Variants in ITSN1 observed in about 807,000 individuals in gnomAD.
The protein encoded by ITSN1 is intersectin 1.
ITSN1 carries 58 observed loss-of-function variants against 239.8 expected under a neutral mutation model. The ratio of observed to expected loss-of-function variants is 0.24; its 90% CI spans 0.20 to 0.30. The LOEUF (loss-of-function observed/expected upper bound fraction) is 0.30, where lower values mean the gene tolerates loss of function less well. Among genes scored for constraint, ITSN1 ranks in the 10% least tolerant of loss-of-function variants. The pLI is 1.00. For synonymous variants in ITSN1, 780 were observed against 770.8 expected (o/e 1.01, Z -0.20); for missense variants, 1,558 against 2,103.3 (o/e 0.74, Z 5.07).
In ITSN1 at chr21:33,668,946, T is replaced by C. The variant is rs147669803; in HGVS notation, c.-33+26233T>C. Among the ~76,000 whole-genome samples, 255 of 152,328 alleles carry C rather than the reference T, an allele frequency of 1.7e-3. 1 individual carries two copies. The highest frequency in any genetic ancestry group is 6.1e-3 in the African/African-American group (252 of 41,572). On this transcript the variant is annotated intron_variant, in intron 1 of 39. Transcript: ENST00000381318. ...GAAAATATGTATGAGATTGTAGAGA[T>C]AGATGCCTAGGCGGCTGAAGGGGAT...
intron 22 of ITSN1, among the ~76,000 whole-genome samples, chr21:33,814,967 A>G (rs186405741): frequency 6.6e-6 from 1 of 152,334 alleles, no homozygotes; most frequent in Non-Finnish European, 1.5e-5. Flanking sequence ...AAGGAAAGGA[A>G]AGAGGGCTGG....
intron 14 of ITSN1, among the ~76,000 whole-genome samples, chr21:33,781,156 C>A (rs1269053655): frequency 6.6e-6 from 1 of 152,156 alleles, no homozygotes; most frequent in Non-Finnish European, 1.5e-5. Flanking sequence ...AAGATCATTG[C>A]TTCAATTTAT....
rs145246005 is a variant in ITSN1, at chr21:33,879,669, A to G, written c.4342-2574A>G. Among the ~76,000 whole-genome samples, 20 of 152,278 alleles carry G rather than the reference A, an allele frequency of 1.3e-4. No homozygotes were observed. The East Asian group carries it at 2.5e-3, about 19-fold the overall frequency. ...GGCCGGGATCTGAAGATGTTAAAGT[A>G]AAATCAGTTGTCATCCTTCTTTTTT... On this transcript the variant is annotated intron_variant, in intron 34 of 39. Coordinates refer to ENST00000381318, the MANE Select transcript of ITSN1 (RefSeq NM_003024.3).
At chr21:33,724,875 G>A (rs1181433661) in intron 4 of ITSN1, among the ~76,000 whole-genome samples, 5 of 151,658 alleles carry the variant, frequency 3.3e-5, no homozygotes, top group South Asian at 2.1e-4. Context: ...TGCTGGTCTC[G>A]AACTCCTGGA....
Position 33,895,880 on chromosome 21 carries a change from C to T in ITSN1, c.*7580C>T, listed in dbSNP as rs1046021174. 6.6e-6 allele frequency: 1 copy of T among 152,226 alleles called. No individual in the cohort carries two copies. The highest frequency in any genetic ancestry group is 1.9e-4 in the East Asian group (1 of 5,174). The allele number at this position is 152,226 out of a possible 1,614,324, so 9.4% of individuals were successfully genotyped here. On this transcript the variant is annotated 3_prime_UTR_variant, in exon 40 of 40. Transcript: ENST00000381318. The stretch of plus-strand genomic sequence containing the variant: ...GAGTGCAAAATGAAAATGCGAGGCC[C>T]CTTGTTCAGGTGATGAAGCATTTCT...
intron 4 of ITSN1, among the ~76,000 whole-genome samples, chr21:33,727,393 AGG>A (rs1228884433): frequency 6.6e-6 from 1 of 151,974 alleles, no homozygotes; most frequent in East Asian, 1.9e-4. Flanking sequence ...GAGAGAAAAG[AGG>A]GAGTGAGGGA....
At chr21:33,835,785 G>A (rs1454578983) in intron 28 of ITSN1, among the ~76,000 whole-genome samples, 1 of 152,186 alleles carries the variant, frequency 6.6e-6, no homozygotes, top group African/African-American at 2.4e-5. Flanking sequence ...AGAAAAATTA[G>A]CCAGGCGTAG....
intron 1 of ITSN1, among the ~76,000 whole-genome samples, chr21:33,710,743 T>G (rs1470833372): frequency 6.6e-6 from 1 of 151,846 alleles, no homozygotes; most frequent in Middle Eastern, 3.2e-3. Flanking sequence ...TTTGTATTAT[T>G]TCTTCTTTGA....
chr21:33,826,781 T>A, intron 25 of ITSN1, 37 bp from the exon 26 acceptor site: 1 of 1,601,114 alleles, frequency 6.2e-7, no homozygotes, highest in Non-Finnish European at 8.5e-7. Context: ...TGATCAAAAC[T>A]TCAGCATGCA....
chr21:33,642,589 C>A lies in ITSN1; in HGVS notation c.-157C>A, dbSNP rs568228679. ...CGCGAGGAAGAATCCCGAGCGGGCT[C>A]CGGGACGGACAGAGAGGCGGGCGGG... is the stretch of plus-strand genomic sequence containing the variant. On this transcript the variant is annotated 5_prime_UTR_variant, in exon 1 of 40. Transcript: ENST00000381318. The A allele has an allele frequency of 6.5e-6, 1 of 153,190 alleles. No homozygotes were observed. Among genetic ancestry groups the A allele is most frequent in the South Asian group, 2.1e-4 (1 of 4,854 alleles). 9.5% of individuals were successfully genotyped at this position (153,190 alleles called of 1,614,324 possible). A position where few individuals can be genotyped will look rare whatever the true frequency, so the allele number is the denominator to read the frequency against.
intron 1 of ITSN1, among the ~76,000 whole-genome samples, chr21:33,705,110 C>CAAAAA (rs1174530558): frequency 2.9e-5 from 2 of 69,722 alleles, no homozygotes; most frequent in African/African-American, 4.6e-5. Context: ...GACTCCGTCT[C>CAAAAA]AAAAAAAAAA....
rs570010508 is a variant in ITSN1 at position 33,888,849 on chromosome 21, G to A, written c.*549G>A. The A allele has an allele frequency of 2.0e-5, 3 of 152,576 alleles. No homozygotes were observed. The highest frequency in any genetic ancestry group is 1.3e-4 in the Admixed American group (2 of 15,320). The allele number at this position is 152,576 out of a possible 1,614,324, so 9.5% of individuals were successfully genotyped here. ...CCTAGAGCTGATCACTCGGTGAGAC[G>A]GTCTGATCAGGCCCTGGCTTAGCTC... On this transcript the variant is annotated 3_prime_UTR_variant, in exon 40 of 40. Transcript: ENST00000381318.
At chr21:33,643,059 C>T (rs2087556685) in intron 1 of ITSN1, among the ~76,000 whole-genome samples, 1 of 150,142 alleles carries the variant, frequency 6.7e-6, no homozygotes, top group South Asian at 2.1e-4. Context: ...CGCGGGGACC[C>T]CGGGCGGCCG....
intron 1 of ITSN1, among the ~76,000 whole-genome samples, chr21:33,714,612 C>T (rs1214509498): frequency 1.2e-5 from 1 of 82,990 alleles, no homozygotes; most frequent in Non-Finnish European, 2.3e-5. Context: ...TAAAGTAAGG[C>T]ATAAAATTAT....
intron 16 of ITSN1, among the ~76,000 whole-genome samples, chr21:33,790,260 A>T (rs996195290): frequency 2.0e-5 from 3 of 151,808 alleles, no homozygotes; most frequent in Non-Finnish European, 2.9e-5. Context: ...TTTTTAAAAA[A>T]AACTTATTTT....
At position 33,775,060 on chromosome 21, in the gene ITSN1, T is replaced by C. The variant is rs2069491490; in HGVS notation, c.1548T>C (p.Ser516=). The change falls in exon 14 of 40, where the codon TCT becomes TCC. Residue 516 remains serine, a synonymous_variant. Coordinates refer to ENST00000381318, the MANE Select transcript of ITSN1 (RefSeq NM_003024.3). ...QRQEIESTNK[S]RELRIAEITH... ...AAGAAATTGAGAGCACAAACAAATC[T>C]AGAGAGTTGAGAATTGCCGAAATCA... 6.2e-7 allele frequency: 1 copy of C among 1,613,980 alleles called. No individual in the cohort carries two copies. The highest frequency in any genetic ancestry group is 8.5e-7 in the Non-Finnish European group (1 of 1,179,996).
intron 4 of ITSN1, among the ~76,000 whole-genome samples, chr21:33,728,336 G>C (rs999810264): frequency 5.3e-5 from 8 of 151,984 alleles, no homozygotes; most frequent in African/African-American, 1.9e-4. Flanking sequence ...AGCTTCAAGT[G>C]ATTCTCCTGC....
intron 1 of ITSN1, among the ~76,000 whole-genome samples, chr21:33,691,094 G>C (rs2091526676): frequency 6.6e-6 from 1 of 151,360 alleles, no homozygotes; most frequent in East Asian, 1.9e-4. Context: ...TTGTTCTTTG[G>C]CCTGCTCTGC....
intron 29 of ITSN1, among the ~76,000 whole-genome samples, chr21:33,839,639 A>G (rs2148424218): frequency 6.6e-6 from 1 of 152,188 alleles, no homozygotes; most frequent in East Asian, 1.9e-4. Context: ...GTTTGGCTGG[A>G]AGGGATGCAG....
Sources: gnomAD v4.1 joint callset for allele counts (sites outside exome capture counted in the v4.1 genomes callset) on GRCh38, gnomAD v4.1.1 for gene constraint, MANE v1.5 for transcripts, NCBI Gene and HGNC (gene_info 2026-07-23, HGNC 2026-07-21) for gene names.